MYO10: variants seen among roughly 807,000 people sequenced by gnomAD.
MYO10 encodes myosin X, also known as unconventional myosin-X.
Under a neutral mutation model 257.3 loss-of-function variants are expected in MYO10, and 133 were observed. The observed-to-expected ratio is 0.52, with a 90% CI of 0.45 to 0.60. The LOEUF (loss-of-function observed/expected upper bound fraction) is 0.60. Among genes scored for constraint, MYO10 ranks in the 20% least tolerant of loss-of-function variants. MYO10 has a pLI of 0.00. For missense variants in MYO10, 2,399 were observed against 2,635.7 expected (o/e 0.91, Z 1.97); for synonymous variants, 1,104 against 1,028.6 (o/e 1.07, Z -1.40).
intron 2 of MYO10, among the ~76,000 whole-genome samples, chr5:16,857,402 C>T (rs1193704703): frequency 2.0e-5 from 3 of 152,160 alleles, no homozygotes; most frequent in East Asian, 1.9e-4. Flanking sequence ...GGGAGGAAGA[C>T]GGTGTATGAG....
chr5:16,857,816 G>A lies in MYO10; in HGVS notation c.120+19793C>T, dbSNP rs75913050. Among the ~76,000 whole-genome samples, 403 of 152,304 alleles carry A rather than the reference G, an allele frequency of 2.6e-3. 3 individuals are homozygous for A. Among genetic ancestry groups the A allele is most frequent in the African/African-American group, 9.2e-3 (381 of 41,558 alleles). On this transcript the variant is annotated intron_variant, in intron 2 of 40. Transcript: ENST00000513610. ...GTCGCACTGGTTGCAAAGAGTCCTG[G>A]GCTCACCTCCAGGGAGGCTGTACCA...
chr5:16,806,394 C>T (rs1448903023), intron 3 of MYO10, among the ~76,000 whole-genome samples: 1 of 151,760 alleles, frequency 6.6e-6, no homozygotes, highest in Non-Finnish European at 1.5e-5. Context: ...CACCTGTGAT[C>T]CCAGCACTTT....
intron 23 of MYO10, 147 bp downstream of exon 23, chr5:16,702,778 G>A: frequency 3.2e-6 from 3 of 934,252 alleles, no homozygotes. Context: ...TGCTGCCAAG[G>A]AATTTTATAT....
intron 1 of MYO10, among the ~76,000 whole-genome samples, chr5:16,889,780 C>A (rs958945403): frequency 1.3e-5 from 2 of 151,598 alleles, no homozygotes; most frequent in Non-Finnish European, 2.9e-5. Context: ...ACAGAAAGGG[C>A]AATAAAAGAC....
rs993893130 is a variant in MYO10, at chr5:16,701,908, A to C, written c.2557-70T>G. 7 of 1,497,694 alleles carry C rather than the reference A, an allele frequency of 4.7e-6. No individual in the cohort carries two copies. The African/African-American group carries it at 5.6e-5, about 12-fold the overall frequency. The allele number at this position is 1,497,694 out of a possible 1,614,324, so 92.8% of individuals were successfully genotyped here. A position where few individuals can be genotyped will look rare whatever the true frequency, so the allele number is the denominator to read the frequency against. On this transcript the variant is annotated intron_variant, in intron 24 of 40. Coordinates refer to ENST00000513610, the MANE Select transcript of MYO10 (RefSeq NM_012334.3). The surrounding 1 kb of genome is among the most constrained non-coding windows in gnomAD (Gnocchi z 8.1). The stretch of plus-strand genomic sequence containing the variant: ...AGTCCAAGCATAGCTCCCGCTTTGC[A>C]ACCAGGATGAAATATGGTCATTATG...
At chr5:16,752,197 A>G (rs1277458204) in intron 19 of MYO10, among the ~76,000 whole-genome samples, 2 of 152,224 alleles carry the variant, frequency 1.3e-5, no homozygotes, top group Non-Finnish European at 2.9e-5. Context: ...ACTGTTTCAC[A>G]CCACGAAGAA....
At chr5:16,911,243 C>A (rs1218293247) in intron 1 of MYO10, among the ~76,000 whole-genome samples, 1 of 152,182 alleles carries the variant, frequency 6.6e-6, no homozygotes, top group African/African-American at 2.4e-5. Flanking sequence ...AACTACTTCA[C>A]AATAAATATT....
chr5:16,757,301 A>AACACACACACACACACACAAACACACAC (rs71595978), intron 18 of MYO10, among the ~76,000 whole-genome samples: 1 of 84,348 alleles, frequency 1.2e-5, no homozygotes, highest in African/African-American at 4.7e-5. Flanking sequence ...CACACACACA[A>AACACACACACACACACACAAACACACAC]ACACACACAC....
At chr5:16,713,583 G>A (rs138215522) in intron 19 of MYO10, 9 of 798,464 alleles carry the variant, frequency 1.1e-5, no homozygotes, top group African/African-American at 9.4e-5. Flanking sequence ...GAGCGGCCTC[G>A]AGATCCAGGC....
intron 19 of MYO10, chr5:16,737,996 A>G (rs759857729): frequency 3.5e-6 from 2 of 577,578 alleles, no homozygotes; most frequent in Non-Finnish European, 4.4e-6. Flanking sequence ...AAAGTGCTAA[A>G]CAGGTGAAGC....
At chr5:16,794,971 G>T in intron 3 of MYO10, 138 bp from the exon 4 acceptor site, 1 of 580,036 alleles carries the variant, frequency 1.7e-6, no homozygotes, top group Non-Finnish European at 2.7e-6. Context: ...TGCCTTTCTG[G>T]GTACCAAATC....
chr5:16,897,613 C>T (rs1337060566), intron 1 of MYO10, among the ~76,000 whole-genome samples: 1 of 152,222 alleles, frequency 6.6e-6, no homozygotes, highest in African/African-American at 2.4e-5. Flanking sequence ...GGTCTAAACT[C>T]TTTGTTCTCT....
intron 21 of MYO10, among the ~76,000 whole-genome samples, chr5:16,705,779 G>A (rs1181736104): frequency 3.9e-5 from 6 of 152,116 alleles, no homozygotes; most frequent in Non-Finnish European, 5.9e-5. Flanking sequence ...ACTCACAGCC[G>A]TACCTATTCC....
At chr5:16,725,337 G>T (rs1276511478) in intron 19 of MYO10, among the ~76,000 whole-genome samples, 3 of 151,904 alleles carry the variant, frequency 2.0e-5, no homozygotes, top group Non-Finnish European at 4.4e-5. Context: ...CTTGTGATCT[G>T]CCTGCCTCGC....
chr5:16,826,200 A>G (rs983583433), intron 2 of MYO10, among the ~76,000 whole-genome samples: 1 of 152,094 alleles, frequency 6.6e-6, no homozygotes, highest in Non-Finnish European at 1.5e-5. Flanking sequence ...AAAGAGTGGA[A>G]TAAGAGGCAA....
chr5:16,681,232 GA>G (rs1262315211), intron 32 of MYO10, 76 bp downstream of exon 32: 2 of 1,417,830 alleles, frequency 1.4e-6, no homozygotes, highest in Non-Finnish European at 1.9e-6. Context: ...CACTAGGAAG[GA>G]ATCTTATTCC....
intron 35 of MYO10, 100 bp downstream of exon 35, chr5:16,674,753 G>T: frequency 1.5e-6 from 2 of 1,341,558 alleles, no homozygotes; most frequent in Non-Finnish European, 1.0e-6. Context: ...CCTACTAGAG[G>T]TGTCTTCTGT....
intron 2 of MYO10, among the ~76,000 whole-genome samples, chr5:16,844,881 C>T (rs1007496345): frequency 5.9e-5 from 9 of 151,846 alleles, no homozygotes; most frequent in Non-Finnish European, 8.8e-5. Flanking sequence ...CTTACATTGC[C>T]AGTAAAATTT....
At chr5:16,850,135 C>A (rs746429335) in intron 2 of MYO10, among the ~76,000 whole-genome samples, 5 of 152,184 alleles carry the variant, frequency 3.3e-5, no homozygotes, top group Admixed American at 1.3e-4. Context: ...TCAGTGTATT[C>A]GTATTTGTCC....
Sources: gnomAD v4.1 joint callset for allele counts (sites outside exome capture counted in the v4.1 genomes callset) on GRCh38, gnomAD v4.1.1 for gene constraint, Gnocchi (gnomAD v3.1) non-coding constraint, MANE v1.5 for transcripts, NCBI Gene and HGNC (gene_info 2026-07-23, HGNC 2026-07-21) for gene names.